Variants in FAM124B observed in about 807,000 individuals in gnomAD.
FAM124B encodes the protein family with sequence similarity 124 member B, also known as protein FAM124B.
FAM124B carries 18 observed loss-of-function variants against 19.7 expected under a neutral mutation model. The ratio of observed to expected loss-of-function variants is 0.92; its 90% confidence interval spans 0.63 to 1.36. The LOEUF (loss-of-function observed/expected upper bound fraction) is 1.36. Among genes scored for constraint, FAM124B ranks in the 40% most tolerant of loss-of-function variants. The pLI is 0.00. For missense variants in FAM124B, 540 were observed against 553.3 expected (o/e 0.98, Z 0.24); for synonymous variants, 223 against 225.2 (o/e 0.99, Z 0.09).
At chr2:224,399,003 C>A (rs1024962200) in intron 1 of FAM124B, among the ~76,000 whole-genome samples, 2 of 152,160 alleles carry the variant, frequency 1.3e-5, no homozygotes, top group Non-Finnish European at 1.5e-5. Context: ...GGGGCTGATG[C>A]CCCATTCACA....
At chr2:224,382,221 C>A (rs1689733263) in intron 1 of FAM124B, among the ~76,000 whole-genome samples, 1 of 152,182 alleles carries the variant, frequency 6.6e-6, no homozygotes, top group Admixed American at 6.5e-5. Context: ...TGCTGCAGAG[C>A]AGCCATAGAC....
intron 1 of FAM124B, among the ~76,000 whole-genome samples, chr2:224,383,043 G>A (rs1185914110): frequency 1.3e-5 from 2 of 152,094 alleles, no homozygotes; most frequent in Non-Finnish European, 2.9e-5. Flanking sequence ...CTGTTGAAGG[G>A]ATGCCCACTG....
At chr2:224,380,249 C>CTAAGTTCCTAATGAAACATA (rs749353510) in intron 1 of FAM124B, 41 bp from the exon 2 acceptor site, 3 of 1,486,332 alleles carry the variant, frequency 2.0e-6, no homozygotes, top group South Asian at 2.7e-5. Flanking sequence ...ACATAATTTC[C>CTAAGTTCCTAATGAAACATA]ATTAACTAAG....
Position 224,379,494 on chromosome 2 carries a change from A to C in FAM124B, c.*79T>G, listed in dbSNP as rs899420562. 2 of 1,452,888 alleles carry C rather than the reference A, an allele frequency of 1.4e-6. No homozygotes were observed. Among genetic ancestry groups the C allele is most frequent in the African/African-American group, 2.9e-5 (2 of 69,854 alleles). The allele number at this position is 1,452,888 out of a possible 1,614,324, so 90.0% of individuals were successfully genotyped here. On this transcript the variant is annotated 3_prime_UTR_variant, in exon 2 of 2. Transcript: ENST00000409685. The stretch of plus-strand genomic sequence containing the variant: ...AGCCCCCCTCAGATGAACAACTAAC[A>C]GGCTGATTCTGGGTCAGTACTCCAT...
chr2:224,386,129 C>T (rs1334320959), intron 1 of FAM124B, among the ~76,000 whole-genome samples: 1 of 152,188 alleles, frequency 6.6e-6, no homozygotes, highest in Non-Finnish European at 1.5e-5. Flanking sequence ...AATCTAAGCC[C>T]TTGGATGTGG....
At position 224,379,575 on chromosome 2, in the gene FAM124B, A is replaced by C. The variant is rs760173657; in HGVS notation, c.1366T>G (p.Ter456GluextTer8). The change falls in exon 2 of 2, where the codon TAG becomes GAG. Residue 456 changes from the stop codon to glutamate, a stop_lost. Transcript: ENST00000409685. ...KEEDEEEFFI[*>E] ...TAGAAAACCACATTTATTTTATGCT[A>C]TATAAAGAATTCTTCTTCATCTTCT... The C allele has an allele frequency of 2.0e-6, 3 of 1,534,270 alleles. No homozygotes were observed. Among genetic ancestry groups the C allele is most frequent in the South Asian group, 1.2e-5 (1 of 81,506 alleles).
intron 1 of FAM124B, among the ~76,000 whole-genome samples, chr2:224,394,474 G>A (rs924183237): frequency 2.6e-5 from 4 of 152,082 alleles, no homozygotes; most frequent in African/African-American, 9.7e-5. Context: ...TTTCCATTAT[G>A]AGTTCCCTAT....
intron 1 of FAM124B, among the ~76,000 whole-genome samples, chr2:224,394,164 C>T (rs910933062): frequency 2.0e-5 from 3 of 152,130 alleles, no homozygotes; most frequent in Non-Finnish European, 4.4e-5. Flanking sequence ...CCCTCTCCTC[C>T]GGAAGTGCAC....
chr2:224,379,376 T>G lies in FAM124B; in HGVS notation c.*197A>C. The G allele has an allele frequency of 1.3e-6, 1 of 794,742 alleles. No individual in the cohort carries two copies. The highest frequency in any genetic ancestry group is 1.9e-6 in the Non-Finnish European group (1 of 536,900). The allele number at this position is 794,742 out of a possible 1,614,324, so 49.2% of individuals were successfully genotyped here. A position where few individuals can be genotyped will look rare whatever the true frequency, so the allele number is the denominator to read the frequency against. On this transcript the variant is annotated 3_prime_UTR_variant, in exon 2 of 2. Transcript: ENST00000409685. ...CCTGTGTGTTGGCTGTGTTCTCTTA[T>G]GACTGTGACGGCAAATAAACAATCA...
rs549413818 is a variant in FAM124B at position 224,401,046 on chromosome 2, A to T, written c.723T>A (p.Ile241=). 26 of 1,595,028 alleles carry T rather than the reference A, an allele frequency of 1.6e-5. 1 individual carries two copies. The South Asian group carries it at 2.8e-4, about 17-fold the overall frequency. Residue 241 remains isoleucine, a synonymous_variant, in exon 1 of 2, where the codon ATT becomes ATA. Coordinates refer to ENST00000409685, the MANE Select transcript of FAM124B (RefSeq NM_001122779.2). ...WQTQDYDGNK[I]LLQVQLNPEL... is the part of the protein sequence containing the mutation. ...GACAAAACAGAAATACCTGAAGCAG[A>T]ATCTTGTTGCCATCGTAGTCCTGAG...
At chr2:224,380,355 A>G (rs1308046675) in intron 1 of FAM124B, 147 bp from the exon 2 acceptor site, 1 of 693,728 alleles carries the variant, frequency 1.4e-6, no homozygotes, top group Admixed American at 3.0e-5. Flanking sequence ...AGTGATAAGT[A>G]CAATATAATT....
intron 1 of FAM124B, among the ~76,000 whole-genome samples, chr2:224,392,807 G>A (rs917896552): frequency 7.0e-6 from 1 of 143,698 alleles, no homozygotes; most frequent in African/African-American, 2.6e-5. Flanking sequence ...CACCAACGAG[G>A]CTATACACAG....
chr2:224,384,008 C>A (rs1351824493), intron 1 of FAM124B, among the ~76,000 whole-genome samples: 1 of 152,190 alleles, frequency 6.6e-6, no homozygotes, highest in Admixed American at 6.5e-5. Context: ...CAGAGAGAAG[C>A]CTGAGTAATC....
Position 224,401,859 on chromosome 2 carries a change from A to T in FAM124B, c.-91T>A. On this transcript the variant is annotated 5_prime_UTR_variant, in exon 1 of 2. Coordinates refer to ENST00000409685, the MANE Select transcript of FAM124B (RefSeq NM_001122779.2). ...TGAATGAAGAAGCGGCCCAGCCTTC[A>T]GCCCGCCTGAAAACCTTCAGCTGCA... 6.8e-7 allele frequency: 1 copy of T among 1,463,042 alleles called. No individual in the cohort carries two copies. Among genetic ancestry groups the T allele is most frequent in the Non-Finnish European group, 9.2e-7 (1 of 1,088,604 alleles). The allele number at this position is 1,463,042 out of a possible 1,614,324, so 90.6% of individuals were successfully genotyped here.
At chr2:224,386,555 T>C (rs1437583439) in intron 1 of FAM124B, among the ~76,000 whole-genome samples, 1 of 152,214 alleles carries the variant, frequency 6.6e-6, no homozygotes, top group East Asian at 1.9e-4. Context: ...CATGTGTTTG[T>C]TATTATCATC....
At chr2:224,391,730 G>A (rs1316417793) in intron 1 of FAM124B, among the ~76,000 whole-genome samples, 1 of 152,174 alleles carries the variant, frequency 6.6e-6, no homozygotes, top group East Asian at 1.9e-4. Flanking sequence ...TTTGAAACTT[G>A]ACTTTATCCT....
chr2:224,394,827 T>A (rs2543658), intron 1 of FAM124B, among the ~76,000 whole-genome samples: 4 of 152,156 alleles, frequency 2.6e-5, no homozygotes, highest in Non-Finnish European at 5.9e-5. Flanking sequence ...TCTCCTTCCC[T>A]ACACACAAGG....
rs1689671466 is a variant in FAM124B, at chr2:224,379,222, G to C, written c.*351C>G. On this transcript the variant is annotated 3_prime_UTR_variant, in exon 2 of 2. Transcript: ENST00000409685. Reference sequence around the variant, plus strand: ...AAGTAAAAATTAAAACCAAATTACAGACACTAATTAGTGTTGTATAACATA... The same window carrying C: ...AAGTAAAAATTAAAACCAAATTACACACACTAATTAGTGTTGTATAACATA... 1 of 190,248 alleles carries C rather than the reference G, an allele frequency of 5.3e-6. No individual in the cohort carries two copies. The highest frequency in any genetic ancestry group is 5.3e-5 in the Admixed American group (1 of 18,852). 11.8% of individuals were successfully genotyped at this position (190,248 alleles called of 1,614,324 possible).
chr2:224,386,181 T>C (rs1314124662), intron 1 of FAM124B, among the ~76,000 whole-genome samples: 1 of 152,224 alleles, frequency 6.6e-6, no homozygotes, highest in Non-Finnish European at 1.5e-5. Flanking sequence ...TATACCACGC[T>C]GGTAATTCAC....
Sources: allele counts gnomAD v4.1 joint callset (sites outside exome capture counted in the v4.1 genomes callset), GRCh38; gene constraint gnomAD v4.1.1; transcripts MANE v1.5; gene names NCBI Gene and HGNC (gene_info 2026-07-23, HGNC 2026-07-21).